The following RSBN1L variants were observed in gnomAD, a reference collection of about 807,000 sequenced individuals.
RSBN1L encodes round spermatid basic protein 1 like, also known as lysine-specific demethylase RSBN1L.
Under a neutral mutation model 67.7 loss-of-function variants are expected in RSBN1L, and 30 were observed. The ratio of observed to expected loss-of-function variants is 0.44; its 90% CI spans 0.33 to 0.60. The LOEUF (loss-of-function observed/expected upper bound fraction) is 0.60, where lower values mean the gene tolerates loss of function less well. RSBN1L is among the 20% of genes least tolerant of loss of function. The pLI is 0.02. For missense variants in RSBN1L, 992 were observed against 1,031.7 expected, an observed-to-expected ratio of 0.96 and a Z score of 0.53; for synonymous variants, 433 against 387.0, an observed-to-expected ratio of 1.12 and a Z score of -1.39.
chr7:77,714,138 T>C (rs1170155014), intron 1 of RSBN1L, among the ~76,000 whole-genome samples: 1 of 152,256 alleles, frequency 6.6e-6, no homozygotes, highest in Non-Finnish European at 1.5e-5. Flanking sequence ...ACACCCTCAT[T>C]ACTCTATCTT....
chr7:77,757,429 T>TTA (rs1209034555), intron 3 of RSBN1L, among the ~76,000 whole-genome samples: 1 of 152,208 alleles, frequency 6.6e-6, no homozygotes, highest in East Asian at 1.9e-4. Flanking sequence ...CTGAGGTTAG[T>TTA]GATATATTAG....
Position 77,773,202 on chromosome 7 carries a change from G to A in RSBN1L, c.1681G>A (p.Glu561Lys). The A allele has an allele frequency of 6.2e-7, 1 of 1,612,994 alleles. No individual in the cohort carries two copies. The highest frequency in any genetic ancestry group is 8.5e-7 in the Non-Finnish European group (1 of 1,179,434). Residue 561 changes from glutamate (E) to lysine (K), a missense_variant, in exon 6 of 8, where the codon GAG becomes AAG. Around this residue, in one of 7 missense-constraint regions of RSBN1L, gnomAD observed 67 missense variants for 130.5 expected, o/e 0.51. Transcript: ENST00000334955. Reference protein sequence around the residue: ...QYLPRTSEPREMLFEDRTRAH... With the variant: ...QYLPRTSEPRKMLFEDRTRAH... Reference sequence around the variant, plus strand: ...CCTACCTCGAACAAGTGAGCCCCGTGAGATGCTCTTTGAAGACAGGACAAG... The same window carrying A: ...CCTACCTCGAACAAGTGAGCCCCGTAAGATGCTCTTTGAAGACAGGACAAG...
intron 4 of RSBN1L, among the ~76,000 whole-genome samples, chr7:77,765,847 G>A (rs1791759444): frequency 6.6e-6 from 1 of 152,298 alleles, no homozygotes; most frequent in Middle Eastern, 3.4e-3. Context: ...GTGTGTACAT[G>A]CGACATCTCA....
chr7:77,733,433 A>C (rs951511755), intron 1 of RSBN1L, among the ~76,000 whole-genome samples: 2 of 152,202 alleles, frequency 1.3e-5, no homozygotes, highest in Non-Finnish European at 2.9e-5. Context: ...TTTTTCACAT[A>C]ATAACTTCAT....
At chr7:77,755,298 T>C (rs1016107845) in intron 3 of RSBN1L, among the ~76,000 whole-genome samples, 14 of 152,194 alleles carry the variant, frequency 9.2e-5, no homozygotes, top group African/African-American at 3.4e-4. Flanking sequence ...CAGCTGCTCC[T>C]CAACTTACGC....
Position 77,749,843 on chromosome 7 carries a change from A to C in RSBN1L, c.1123A>C (p.Met375Leu). 6.2e-7 allele frequency: 1 copy of C among 1,614,032 alleles called. No homozygotes were observed. Among genetic ancestry groups the C allele is most frequent in the Non-Finnish European group, 8.5e-7 (1 of 1,179,874 alleles). ...TAACGAACTCTCCCACCTGTCTCCT[A>C]TGGAGATGGAGAGGTTTGCAGAAGA... ...YSNELSHLSPMEMERFAEEFV... is the reference protein window; with the variant it reads ...YSNELSHLSPLEMERFAEEFV... The change falls in exon 3 of 8, where the codon ATG becomes CTG. Residue 375 changes from methionine to leucine, a missense_variant. This residue lies in a region of RSBN1L where 575 missense variants were observed against 483.2 expected (regional missense o/e 1.19). Coordinates refer to ENST00000334955, the MANE Select transcript of RSBN1L (RefSeq NM_198467.3).
At chr7:77,704,489 A>G (rs557572618) in intron 1 of RSBN1L, among the ~76,000 whole-genome samples, 5 of 152,350 alleles carry the variant, frequency 3.3e-5, no homozygotes, top group East Asian at 1.9e-4. Context: ...AATTAATACA[A>G]AAGAAACCAG....
rs543261715 is a variant in RSBN1L at position 77,777,475 on chromosome 7, C to CATTTTTTGGAGGAT, written c.1794-853_1794-840dup. ...TTTATTTGAACATGTTTTTATTTCA[C>CATTTTTTGGAGGAT]ATTTTTTGGAGGATATTTTTTGGTG... On this transcript the variant is annotated intron_variant, in intron 6 of 7. Coordinates refer to ENST00000334955, the MANE Select transcript of RSBN1L (RefSeq NM_198467.3). Among the ~76,000 whole-genome samples the CATTTTTTGGAGGAT allele has an allele frequency of 4.2e-3, 641 of 151,860 alleles. 4 individuals are homozygous for CATTTTTTGGAGGAT. The highest frequency in any genetic ancestry group is 7.4e-3 in the Non-Finnish European group (505 of 67,852).
In RSBN1L at chr7:77,749,549, C is replaced by G; in HGVS notation, c.829C>G (p.Gln277Glu). ...TCCGAAAATGTATAGCAAATCTATT[C>G]AGACCATCTGCTCAGGATTGCTAAC... ...KRPKMYSKSI[Q>E]TICSGLLTDV... Residue 277 changes from glutamine to glutamate, a missense_variant, in exon 3 of 8, where the codon CAG becomes GAG. This residue lies in a region of RSBN1L where 575 missense variants were observed against 483.2 expected (regional missense o/e 1.19). Coordinates refer to ENST00000334955, the MANE Select transcript of RSBN1L (RefSeq NM_198467.3). 6.2e-7 allele frequency: 1 copy of G among 1,613,602 alleles called. No homozygotes were observed. The highest frequency in any genetic ancestry group is 8.5e-7 in the Non-Finnish European group (1 of 1,179,920).
Position 77,754,893 on chromosome 7 carries a change from C to A in RSBN1L, c.1344+4829C>A, listed in dbSNP as rs187667187. Among the ~76,000 whole-genome samples the A allele has an allele frequency of 5.3e-3, 813 of 152,102 alleles. 4 individuals carry two copies. Among genetic ancestry groups the A allele is most frequent in the Non-Finnish European group, 8.2e-3 (560 of 67,980 alleles). ...CAAAGAAAACCCCAAAAAACAAAAA[C>A]AAAAGTTTAGTAATTAGGTTTTATG... On this transcript the variant is annotated intron_variant, in intron 3 of 7. Coordinates refer to ENST00000334955, the MANE Select transcript of RSBN1L (RefSeq NM_198467.3).
chr7:77,697,338 G>A (rs576165865), intron 1 of RSBN1L: 2 of 328,366 alleles, frequency 6.1e-6, no homozygotes, highest in South Asian at 1.4e-4. Flanking sequence ...CCATCTTGAG[G>A]ACTCTCCTAG....
chr7:77,745,386 G>T (rs563836592), intron 2 of RSBN1L, among the ~76,000 whole-genome samples: 2 of 152,222 alleles, frequency 1.3e-5, no homozygotes, highest in African/African-American at 4.8e-5. Flanking sequence ...GTAGCAATAT[G>T]CCAGATACTA....
intron 1 of RSBN1L, among the ~76,000 whole-genome samples, chr7:77,720,763 C>CTTTTTTTTTTTTTTTTTTT (rs34070122): frequency 2.9e-5 from 3 of 104,366 alleles, no homozygotes; most frequent in African/African-American, 8.0e-5. Context: ...TTTTCTTTTT[C>CTTTTTTTTTTTTTTTTTTT]TTTTTTTTTT....
At chr7:77,768,178 C>T (rs1350476362) in intron 4 of RSBN1L, among the ~76,000 whole-genome samples, 2 of 152,026 alleles carry the variant, frequency 1.3e-5, no homozygotes, top group Non-Finnish European at 2.9e-5. Flanking sequence ...TTTTAAAATA[C>T]TTTAGTCTCT....
intron 6 of RSBN1L, among the ~76,000 whole-genome samples, chr7:77,774,359 G>A (rs1791884402): frequency 6.6e-6 from 1 of 152,128 alleles, no homozygotes; most frequent in African/African-American, 2.4e-5. Context: ...GGCCGAGGTG[G>A]GTGGGATCAC....
intron 1 of RSBN1L, among the ~76,000 whole-genome samples, chr7:77,706,314 G>T (rs1790891877): frequency 6.6e-6 from 1 of 152,090 alleles, no homozygotes; most frequent in African/African-American, 2.4e-5. Flanking sequence ...CTGACCTCAT[G>T]ATCTGCCTGC....
Position 77,778,924 on chromosome 7 carries a change from C to T in RSBN1L, c.2297C>T (p.Pro766Leu). 1 of 1,613,888 alleles carries T rather than the reference C, an allele frequency of 6.2e-7. No homozygotes were observed. The highest frequency in any genetic ancestry group is 8.5e-7 in the Non-Finnish European group (1 of 1,179,878). Reference protein sequence around the residue: ...PIASVRIKEEPVNVNIPEKTT... With the variant: ...PIASVRIKEELVNVNIPEKTT... ...GCATCTGTAAGAATCAAGGAAGAAC[C>T]TGTGAATGTTAATATTCCTGAAAAG... The change falls in exon 8 of 8, where the codon CCT becomes CTT. Residue 766 changes from proline (P) to leucine (L), a missense_variant. This residue lies in a region of RSBN1L where 199 missense variants were observed against 167.7 expected (regional missense o/e 1.19). Coordinates refer to ENST00000334955, the MANE Select transcript of RSBN1L (RefSeq NM_198467.3).
intron 1 of RSBN1L, among the ~76,000 whole-genome samples, chr7:77,721,508 T>C (rs7804995): frequency 0.019 from 2,942 of 152,224 alleles, 85 homozygotes; most frequent in African/African-American, 0.066. Flanking sequence ...GATATGATCA[T>C]TTGTGATCAT....
chr7:77,740,875 C>T (rs1335924007), intron 2 of RSBN1L, among the ~76,000 whole-genome samples: 2 of 151,898 alleles, frequency 1.3e-5, no homozygotes, highest in Admixed American at 6.6e-5. Context: ...CTCTCTCTGG[C>T]TCTGACTCTA....
Sources: allele counts gnomAD v4.1 joint callset (sites outside exome capture counted in the v4.1 genomes callset), GRCh38; gene constraint gnomAD v4.1.1; regional missense constraint gnomAD v4.1.1; transcripts MANE v1.5; gene names NCBI Gene and HGNC (gene_info 2026-07-23, HGNC 2026-07-21).